The following SHC2 variants were observed in gnomAD, a reference collection of about 807,000 sequenced individuals.
The protein encoded by SHC2 is SHC-transforming protein 2.
In SHC2, 62 loss-of-function variants were observed where a neutral mutation model predicts 60.6. The ratio of observed to expected loss-of-function variants is 1.02; its 90% confidence interval spans 0.83 to 1.26. SHC2 has a LOEUF of 1.26. Ranked by LOEUF, SHC2 falls within the 50% of genes most tolerant of loss-of-function variation. The pLI is 0.00. For missense variants in SHC2, 873 were observed against 822.2 expected, an observed-to-expected ratio of 1.06 and a Z score of -0.76; for synonymous variants, 375 against 372.4, an observed-to-expected ratio of 1.01 and a Z score of -0.08.
intron 1 of SHC2, among the ~76,000 whole-genome samples, chr19:449,133 A>G (rs1013008699): frequency 6.6e-6 from 1 of 152,142 alleles, no homozygotes; most frequent in Non-Finnish European, 1.5e-5. Flanking sequence ...GTGCCACTGC[A>G]CTCCAGCCTG....
At chr19:452,654 G>A (rs904332450) in intron 1 of SHC2, among the ~76,000 whole-genome samples, 2 of 152,234 alleles carry the variant, frequency 1.3e-5, no homozygotes, top group African/African-American at 2.4e-5. Flanking sequence ...GGGTGTTACA[G>A]GTACACTTGG....
At chr19:458,760 G>C (rs1975455254) in intron 1 of SHC2, among the ~76,000 whole-genome samples, 2 of 146,366 alleles carry the variant, frequency 1.4e-5, no homozygotes, top group African/African-American at 5.4e-5. Context: ...CGGGTCCCGG[G>C]GAGGCGGAGG....
Position 436,225 on chromosome 19 carries a change from A to G in SHC2, c.893T>C (p.Phe298Ser), listed in dbSNP as rs1974713514. 6.2e-7 allele frequency: 1 copy of G among 1,603,576 alleles called. No homozygotes were observed. The highest frequency in any genetic ancestry group is 8.5e-7 in the Non-Finnish European group (1 of 1,175,720). ...CAGGTACTGCTTGAAGCGCAGCTCG[A>G]AAGCTTGGCCCACGGTGCTGATGAT... ...QSIISTVGQA[F>S]ELRFKQYLHS... is the part of the protein sequence containing the mutation. The change falls in exon 7 of 13, where the codon TTC becomes TCC. Residue 298 changes from phenylalanine to serine, a missense_variant. Phe to Ser is a radical substitution (Grantham distance 155). Coordinates refer to ENST00000264554, the MANE Select transcript of SHC2 (RefSeq NM_012435.3).
intron 12 of SHC2, among the ~76,000 whole-genome samples, chr19:417,882 A>G (rs1038575729): frequency 6.6e-6 from 1 of 152,136 alleles, no homozygotes; most frequent in Non-Finnish European, 1.5e-5. Flanking sequence ...GGAGGCTGGA[A>G]GGAGACCGTT....
rs144545109 is a variant in SHC2 at position 452,638 on chromosome 19, G to A, written c.468+7891C>T. On this transcript the variant is annotated intron_variant, in intron 1 of 12. Coordinates refer to ENST00000264554, the MANE Select transcript of SHC2 (RefSeq NM_012435.3). ...CATCGTACTGACTTGGAGTTCCTGC[G>A]TAGGTGGGTGTTACAGGTACACTTG... is the stretch of plus-strand genomic sequence containing the variant. Among the ~76,000 whole-genome samples, 911 of 152,306 alleles carry A rather than the reference G, an allele frequency of 6.0e-3. 10 individuals carry two copies. The highest frequency in any genetic ancestry group is 0.021 in the African/African-American group (868 of 41,554).
chr19:450,165 G>A (rs116669807), intron 1 of SHC2, among the ~76,000 whole-genome samples: 2,640 of 152,166 alleles, frequency 0.017, 85 homozygotes, highest in African/African-American at 0.059. Flanking sequence ...CTGGGCAGCC[G>A]GCGCTACAGG....
At chr19:456,293 C>T (rs1280604106) in intron 1 of SHC2, among the ~76,000 whole-genome samples, 1 of 151,766 alleles carries the variant, frequency 6.6e-6, no homozygotes, top group Non-Finnish European at 1.5e-5. Context: ...TGCTGGGAGA[C>T]GGGGCTCCTG....
rs1045500347 is a variant in SHC2, at chr19:446,837, G to A, written c.469-5905C>T. 6.6e-6 allele frequency among the ~76,000 whole-genome samples: 1 copy of A among 152,126 alleles called. No individual in the cohort carries two copies. The highest frequency in any genetic ancestry group is 1.5e-5 in the Non-Finnish European group (1 of 68,016). ...AAGCCCAGAGAGGGGATGGCACCTG[G>A]CCGGCCTCACGCACGCAGCAGGCCA... On this transcript the variant is annotated intron_variant, in intron 1 of 12. Coordinates refer to ENST00000264554, the MANE Select transcript of SHC2 (RefSeq NM_012435.3). The surrounding 1 kb of genome is among the most constrained non-coding windows in gnomAD (Gnocchi z 5.4).
At chr19:443,602 ACGGG>A (rs1974970000) in intron 1 of SHC2, among the ~76,000 whole-genome samples, 1 of 131,052 alleles carries the variant, frequency 7.6e-6, no homozygotes, top group Non-Finnish European at 1.6e-5. Flanking sequence ...GGATGGATGG[ACGGG>A]TGAGTGGATG....
At chr19:430,386 A>C (rs1263047057) in intron 9 of SHC2, among the ~76,000 whole-genome samples, 1 of 151,970 alleles carries the variant, frequency 6.6e-6, no homozygotes, top group East Asian at 1.9e-4. Context: ...ACCTATATCC[A>C]ACATGCATGG....
rs1454470315 is a variant in SHC2 at position 425,395 on chromosome 19, GT to G, written c.1175-165del. 1.3e-5 allele frequency among the ~76,000 whole-genome samples: 2 copies of G among 152,196 alleles called. No individual in the cohort carries two copies. Among genetic ancestry groups the G allele is most frequent in the African/African-American group, 4.8e-5 (2 of 41,446 alleles). On this transcript the variant is annotated intron_variant, in intron 9 of 12. Transcript: ENST00000264554. This position sits in a 1 kb window ranked among gnomAD's most constrained non-coding sequence, Gnocchi z 4.1. ...CCTGTGGTAACCCGCCCGTCTGCAG[GT>G]GCCACAGGGAGCATCTTACAGCAGC...
chr19:427,852 G>A (rs551984429), intron 9 of SHC2, among the ~76,000 whole-genome samples: 3 of 137,812 alleles, frequency 2.2e-5, no homozygotes, highest in Admixed American at 1.5e-4. Flanking sequence ...CACGGCACAG[G>A]GAAGGGGGAA....
Position 445,669 on chromosome 19 carries a change from T to C in SHC2, c.469-4737A>G, listed in dbSNP as rs1440669372. 6.7e-6 allele frequency among the ~76,000 whole-genome samples: 1 copy of C among 150,316 alleles called. No individual in the cohort carries two copies. The highest frequency in any genetic ancestry group is 2.5e-5 in the African/African-American group (1 of 40,726). On this transcript the variant is annotated intron_variant, in intron 1 of 12. Transcript: ENST00000264554. This position sits in a 1 kb window ranked among gnomAD's most constrained non-coding sequence, Gnocchi z 4.4. ...GGGAGGATGGCTTGAGCCCAGGAGGTTGAGGCTGCAGTGATCTGTGATGGC... is the reference window on the plus strand; with the variant it reads ...GGGAGGATGGCTTGAGCCCAGGAGGCTGAGGCTGCAGTGATCTGTGATGGC...
At chr19:429,098 C>G (rs1301741213) in intron 9 of SHC2, among the ~76,000 whole-genome samples, 1 of 148,924 alleles carries the variant, frequency 6.7e-6, no homozygotes, top group Admixed American at 6.8e-5. Flanking sequence ...GATGCGGTAC[C>G]TATACCCAAC....
intron 9 of SHC2, among the ~76,000 whole-genome samples, chr19:428,116 T>C (rs755064002): frequency 3.3e-5 from 5 of 152,130 alleles, no homozygotes; most frequent in Non-Finnish European, 7.4e-5. Context: ...TTCCAGCTAC[T>C]CTGGAGTGTT....
intron 8 of SHC2, among the ~76,000 whole-genome samples, chr19:434,352 GTGAGATCA>G (rs1479854370): frequency 4.2e-5 from 2 of 47,710 alleles, no homozygotes; most frequent in African/African-American, 1.5e-4. Flanking sequence ...TCATGAGTGA[GTGAGATCA>G]TGAGATCGTG....
chr19:453,910 G>A lies in SHC2; in HGVS notation c.468+6619C>T, dbSNP rs181259447. ...CAGAGAGCAGGACGGCCTGACTCACGGGACTTCTGTGTATGGACGAGCCCA... is the reference window on the plus strand; with the variant it reads ...CAGAGAGCAGGACGGCCTGACTCACAGGACTTCTGTGTATGGACGAGCCCA... On this transcript the variant is annotated intron_variant, in intron 1 of 12. Transcript: ENST00000264554. This position sits in a 1 kb window ranked among gnomAD's most constrained non-coding sequence, Gnocchi z 6.3. 7.4e-4 allele frequency among the ~76,000 whole-genome samples: 113 copies of A among 152,312 alleles called. No individual in the cohort carries two copies. The Middle Eastern group carries it at 0.01, about 14-fold the overall frequency.
rs1023848694 is a variant in SHC2, at chr19:424,704, G to A, written c.1309+393C>T. 3.9e-5 allele frequency among the ~76,000 whole-genome samples: 6 copies of A among 152,186 alleles called. No homozygotes were observed. Among genetic ancestry groups the A allele is most frequent in the East Asian group, 1.9e-4 (1 of 5,194 alleles). ...CGACAGAGGCAGGTGGGTTACCCCCGAGAGAGTGGAGCTTCTCACAGAGCG... is the reference window on the plus strand; with the variant it reads ...CGACAGAGGCAGGTGGGTTACCCCCAAGAGAGTGGAGCTTCTCACAGAGCG... On this transcript the variant is annotated intron_variant, in intron 10 of 12. Coordinates refer to ENST00000264554, the MANE Select transcript of SHC2 (RefSeq NM_012435.3). This position sits in a 1 kb window ranked among gnomAD's most constrained non-coding sequence, Gnocchi z 4.5.
intron 1 of SHC2, among the ~76,000 whole-genome samples, chr19:454,662 C>T (rs964206714): frequency 4.6e-5 from 7 of 152,272 alleles, no homozygotes; most frequent in East Asian, 1.9e-4. Context: ...TGGTGGCGGG[C>T]GCCTGTAGTC....
Sources: gnomAD v4.1 joint callset for allele counts (sites outside exome capture counted in the v4.1 genomes callset) on GRCh38, gnomAD v4.1.1 for gene constraint, Gnocchi (gnomAD v3.1) non-coding constraint, MANE v1.5 for transcripts, NCBI Gene and HGNC (gene_info 2026-07-23, HGNC 2026-07-21) for gene names.